The following GMDS variants were observed in gnomAD, a reference collection of about 807,000 sequenced individuals.
GMDS encodes GDP-mannose 4,6 dehydratase.
A neutral mutation model predicts 49.9 loss-of-function variants in GMDS; 20 were observed. That is an observed-to-expected ratio of 0.40 (90% CI 0.28 to 0.58). GMDS has a LOEUF of 0.58. GMDS is among the 20% of genes least tolerant of loss of function. GMDS has a pLI of 0.42. For missense variants in GMDS, 362 were observed against 481.4 expected, an observed-to-expected ratio of 0.75 and a Z score of 2.32; for synonymous variants, 177 against 178.6, an observed-to-expected ratio of 0.99 and a Z score of 0.07.
chr6:1,953,379 T>A (rs933738041), intron 6 of GMDS, among the ~76,000 whole-genome samples: 2 of 152,238 alleles, frequency 1.3e-5, no homozygotes, highest in African/African-American at 4.8e-5. Flanking sequence ...GCTACTGTCA[T>A]CAAAATTAGG....
At chr6:1,812,906 T>C (rs1770498075) in intron 7 of GMDS, among the ~76,000 whole-genome samples, 1 of 152,204 alleles carries the variant, frequency 6.6e-6, no homozygotes, top group African/African-American at 2.4e-5. Flanking sequence ...TTATCTTTTT[T>C]ATTATTCTCT....
At chr6:1,839,332 A>G (rs1034487238) in intron 7 of GMDS, among the ~76,000 whole-genome samples, 4 of 152,196 alleles carry the variant, frequency 2.6e-5, no homozygotes, top group African/African-American at 9.7e-5. Flanking sequence ...ACTGTAAGCA[A>G]TCATCCTCCC....
At chr6:1,740,304 C>T (rs1220162761) in intron 8 of GMDS, among the ~76,000 whole-genome samples, 6 of 152,130 alleles carry the variant, frequency 3.9e-5, no homozygotes, top group African/African-American at 1.4e-4. Context: ...TGCCTGTAAT[C>T]CCAGCACTTT....
intron 7 of GMDS, among the ~76,000 whole-genome samples, chr6:1,877,613 G>A (rs1759137643): frequency 7.0e-6 from 1 of 143,276 alleles, no homozygotes; most frequent in Admixed American, 7.3e-5. Context: ...ATTCCATCCT[G>A]GATGACAGAG....
At chr6:2,010,310 T>C (rs1162452655) in intron 4 of GMDS, among the ~76,000 whole-genome samples, 3 of 117,584 alleles carry the variant, frequency 2.6e-5, no homozygotes, top group African/African-American at 6.8e-5. Flanking sequence ...CTGGGTGACA[T>C]AGCAAGACTC....
intron 4 of GMDS, among the ~76,000 whole-genome samples, chr6:2,001,199 T>C (rs1237076801): frequency 6.6e-6 from 1 of 152,214 alleles, no homozygotes; most frequent in Non-Finnish European, 1.5e-5. Flanking sequence ...AGATATGGAC[T>C]GGTATTTCAT....
At chr6:2,110,889 G>C (rs776506632) in intron 4 of GMDS, among the ~76,000 whole-genome samples, 12 of 152,256 alleles carry the variant, frequency 7.9e-5, no homozygotes, top group Non-Finnish European at 1.6e-4. Flanking sequence ...GAAAGAATTT[G>C]AAAATCCTTT....
intron 3 of GMDS, among the ~76,000 whole-genome samples, 197 bp from the exon 4 acceptor site, chr6:2,116,077 T>TA (rs1774831913): frequency 6.6e-6 from 1 of 152,204 alleles, no homozygotes; most frequent in Non-Finnish European, 1.5e-5. Flanking sequence ...ACATAATGCC[T>TA]ATGTCTGTAA....
At chr6:1,919,849 T>C (rs1414453450) in intron 7 of GMDS, among the ~76,000 whole-genome samples, 1 of 152,200 alleles carries the variant, frequency 6.6e-6, no homozygotes, top group Non-Finnish European at 1.5e-5. Flanking sequence ...GGTCTTACCG[T>C]TGATGCCCTG....
rs1295891563 is a variant in GMDS, at chr6:2,191,644, C to T, written c.102+53677G>A. On this transcript the variant is annotated intron_variant, in intron 1 of 10. Coordinates refer to ENST00000380815, the MANE Select transcript of GMDS (RefSeq NM_001500.4). The surrounding 1 kb of genome is among the most constrained non-coding windows in gnomAD (Gnocchi z 4.6). ...GGCCAAGCCGGGGAGCTGTCACAGCCCAGCCAGGTATGTGAGGGTCCTGCC... is the reference window on the plus strand; with the variant it reads ...GGCCAAGCCGGGGAGCTGTCACAGCTCAGCCAGGTATGTGAGGGTCCTGCC... 6.6e-6 allele frequency among the ~76,000 whole-genome samples: 1 copy of T among 152,216 alleles called. No individual in the cohort carries two copies. The highest frequency in any genetic ancestry group is 1.5e-5 in the Non-Finnish European group (1 of 68,028).
intron 4 of GMDS, among the ~76,000 whole-genome samples, chr6:2,052,846 T>C (rs1770514379): frequency 6.6e-6 from 1 of 152,192 alleles, no homozygotes; most frequent in South Asian, 2.1e-4. Flanking sequence ...AGGACCAAGA[T>C]AATACAATAA....
chr6:1,928,521 G>C (rs767809466), intron 7 of GMDS, among the ~76,000 whole-genome samples: 1 of 152,136 alleles, frequency 6.6e-6, no homozygotes, highest in South Asian at 2.1e-4. Context: ...ATTTAGGTTA[G>C]ACAAAAGAAA....
chr6:2,169,897 T>C (rs1267071550), intron 1 of GMDS, among the ~76,000 whole-genome samples: 1 of 151,888 alleles, frequency 6.6e-6, no homozygotes, highest in Non-Finnish European at 1.5e-5. Flanking sequence ...AGGTGCTATC[T>C]GGTGGTATAT....
Position 1,652,505 on chromosome 6 carries a change from ATATAT to A in GMDS, c.988-27970_988-27966del. 3.1e-4 allele frequency among the ~76,000 whole-genome samples: 2 copies of A among 6,366 alleles called. 1 individual carries two copies. The highest frequency in any genetic ancestry group is 5.8e-4 in the Non-Finnish European group (2 of 3,466). The allele number at this position is 6,366 out of a possible 152,430, so 4.2% of individuals were successfully genotyped here. On this transcript the variant is annotated intron_variant, in intron 9 of 10. Coordinates refer to ENST00000380815, the MANE Select transcript of GMDS (RefSeq NM_001500.4). ...ATATATAATATATATTATTTATATAATATATTATATATATTTATATATAATATATA... is the reference window on the plus strand; with the variant it reads ...ATATATAATATATATTATTTATATAATATATATATTTATATATAATATATA...
intron 4 of GMDS, among the ~76,000 whole-genome samples, chr6:2,007,495 C>T (rs150554725): frequency 6.6e-5 from 10 of 152,104 alleles, no homozygotes; most frequent in East Asian, 1.9e-4. Flanking sequence ...GCTTTTATAA[C>T]GAAAAATTCT....
chr6:1,762,875 G>A (rs1482054735), intron 7 of GMDS, among the ~76,000 whole-genome samples: 3 of 152,160 alleles, frequency 2.0e-5, no homozygotes, highest in African/African-American at 4.8e-5. Flanking sequence ...CGAGACATTA[G>A]GGAATGCTGA....
chr6:1,858,968 G>GC (rs996509351), intron 7 of GMDS, among the ~76,000 whole-genome samples: 4 of 151,724 alleles, frequency 2.6e-5, no homozygotes, highest in African/African-American at 4.8e-5. Flanking sequence ...TGTGTTTTGG[G>GC]GGGGGCAGGC....
At position 1,628,294 on chromosome 6, in the gene GMDS, C is replaced by T. The variant is rs76767449; in HGVS notation, c.988-3754G>A. 1.1e-3 allele frequency among the ~76,000 whole-genome samples: 165 copies of T among 152,356 alleles called. No homozygotes were observed. In the East Asian group the frequency reaches 0.015, roughly 14 times the overall value. On this transcript the variant is annotated intron_variant, in intron 9 of 10. Coordinates refer to ENST00000380815, the MANE Select transcript of GMDS (RefSeq NM_001500.4). ...AGTGTGCCATTATCTTCTACCCTAA[C>T]GACAGGTCCCTTTCCTCAGATCTCT... is the stretch of plus-strand genomic sequence containing the variant.
chr6:1,950,715 T>C (rs1763296268), intron 6 of GMDS, among the ~76,000 whole-genome samples: 1 of 152,214 alleles, frequency 6.6e-6, no homozygotes, highest in Admixed American at 6.5e-5. Flanking sequence ...AAAACTGAAG[T>C]GTAACGAAAA....
Sources: allele counts gnomAD v4.1 joint callset (sites outside exome capture counted in the v4.1 genomes callset), GRCh38; gene constraint gnomAD v4.1.1; non-coding constraint Gnocchi (gnomAD v3.1); transcripts MANE v1.5; gene names NCBI Gene and HGNC (gene_info 2026-07-23, HGNC 2026-07-21).